Variants in CACHD1 observed in about 807,000 individuals in gnomAD.
CACHD1 encodes cache domain containing 1.
CACHD1 carries 71 observed loss-of-function variants against 138.7 expected under a neutral mutation model. The ratio of observed to expected loss-of-function variants is 0.51; its 90% CI spans 0.42 to 0.62. The LOEUF (loss-of-function observed/expected upper bound fraction) is 0.62. CACHD1 is among the 20% of genes least tolerant of loss of function. The pLI is 0.00. For synonymous variants in CACHD1, 578 were observed against 591.5 expected (o/e 0.98, Z 0.33); for missense variants, 1,389 against 1,625.3 (o/e 0.85, Z 2.50).
chr1:64,470,843 C>T lies in CACHD1; in HGVS notation c.99C>T (p.Ala33=). 1.3e-6 allele frequency: 2 copies of T among 1,581,510 alleles called. No homozygotes were observed. Among genetic ancestry groups the T allele is most frequent in the Non-Finnish European group, 8.6e-7 (1 of 1,168,204 alleles). ...TGGTCGCGTGCTGGCTCCTGGGCGC[C>T]GGGGCCGAAGCCGACTTCTCCATCC... ...LCLVACWLLG[A]GAEADFSILD... Residue 33 remains alanine, a synonymous_variant, in exon 1 of 27, where the codon GCC becomes GCT. Coordinates refer to ENST00000651257, the MANE Select transcript of CACHD1 (RefSeq NM_020925.4). This position sits in a 1 kb window ranked among gnomAD's most constrained non-coding sequence, Gnocchi z 5.2.
At chr1:64,606,106 A>AACACACACACAC (rs112089755) in intron 4 of CACHD1, among the ~76,000 whole-genome samples, 2,306 of 148,920 alleles carry the variant, frequency 0.015, 50 homozygotes, top group African/African-American at 0.052. Flanking sequence ...AGGAGCTGTA[A>AACACACACACAC]ACACACACAC....
chr1:64,544,224 C>T (rs973821663), intron 1 of CACHD1, among the ~76,000 whole-genome samples: 2 of 152,072 alleles, frequency 1.3e-5, no homozygotes, highest in African/African-American at 2.4e-5. Context: ...AAACTCAGTC[C>T]ACATTTTCTT....
chr1:64,535,326 G>GTT (rs1646623083), intron 1 of CACHD1, among the ~76,000 whole-genome samples: 1 of 133,842 alleles, frequency 7.5e-6, no homozygotes. Context: ...GAATTTGGAG[G>GTT]GTTTTTTTTT....
At chr1:64,675,734 AC>A (rs2100726876) in intron 20 of CACHD1, among the ~76,000 whole-genome samples, 162 bp from the exon 21 acceptor site, 1 of 152,336 alleles carries the variant, frequency 6.6e-6, no homozygotes, top group South Asian at 2.1e-4. Context: ...TGTCCAAAGA[AC>A]AATGGATTAA....
At chr1:64,644,008 T>G (rs1454135052) in intron 8 of CACHD1, among the ~76,000 whole-genome samples, 1 of 152,222 alleles carries the variant, frequency 6.6e-6, no homozygotes, top group Non-Finnish European at 1.5e-5. Flanking sequence ...CCCATTATAC[T>G]ATAGTAAGGT....
intron 26 of CACHD1, among the ~76,000 whole-genome samples, chr1:64,690,624 G>A (rs752554079): frequency 1.3e-5 from 2 of 152,176 alleles, no homozygotes; most frequent in African/African-American, 2.4e-5. Flanking sequence ...GGTATATGTG[G>A]AGTTAGTGTT....
chr1:64,497,564 G>A (rs1646312844), intron 1 of CACHD1, among the ~76,000 whole-genome samples: 2 of 151,808 alleles, frequency 1.3e-5, no homozygotes, highest in African/African-American at 4.8e-5. Flanking sequence ...TATAGTTCAG[G>A]AAAAAAAATA....
intron 1 of CACHD1, among the ~76,000 whole-genome samples, chr1:64,477,605 TATTATTATTATTA>T (rs1646181558): frequency 4.1e-5 from 6 of 145,664 alleles, no homozygotes; most frequent in African/African-American, 1.5e-4. Flanking sequence ...TTATTATTAT[TATTATTATTATTA>T]TTATTATTTT....
At chr1:64,625,040 G>T (rs1648047321) in intron 4 of CACHD1, among the ~76,000 whole-genome samples, 1 of 152,168 alleles carries the variant, frequency 6.6e-6, no homozygotes, top group Non-Finnish European at 1.5e-5. Flanking sequence ...TTATGACAAA[G>T]ACCTTATGGT....
At chr1:64,524,607 C>T (rs577556878) in intron 1 of CACHD1, among the ~76,000 whole-genome samples, 3 of 152,192 alleles carry the variant, frequency 2.0e-5, no homozygotes, top group East Asian at 1.9e-4. Flanking sequence ...ACTGAATTTG[C>T]GAGGGTAATG....
At position 64,663,838 on chromosome 1, in the gene CACHD1, G is replaced by C; in HGVS notation, c.2094+1G>C. 6.2e-7 allele frequency: 1 copy of C among 1,614,120 alleles called. No individual in the cohort carries two copies. The highest frequency in any genetic ancestry group is 8.5e-7 in the Non-Finnish European group (1 of 1,180,010). On this transcript the variant is annotated splice_donor_variant, in intron 14 of 26. Coordinates refer to ENST00000651257, the MANE Select transcript of CACHD1 (RefSeq NM_020925.4). LOFTEE classifies it high-confidence loss of function. ...CCTCATTGCTAACCCGGGCCTCAAAGTAAGCATTGGCGCAGAGCTCCATTT... is the reference window on the plus strand; with the variant it reads ...CCTCATTGCTAACCCGGGCCTCAAACTAAGCATTGGCGCAGAGCTCCATTT...
chr1:64,662,241 T>A (rs528865362), intron 13 of CACHD1, among the ~76,000 whole-genome samples: 1 of 152,226 alleles, frequency 6.6e-6, no homozygotes, highest in Non-Finnish European at 1.5e-5. Flanking sequence ...ACTACATCTT[T>A]AGGGGAAGGC....
intron 2 of CACHD1, among the ~76,000 whole-genome samples, chr1:64,564,171 T>G (rs1329145048): frequency 6.6e-6 from 1 of 152,152 alleles, no homozygotes; most frequent in Non-Finnish European, 1.5e-5. Flanking sequence ...AACTCAATTG[T>G]CATGAATCCC....
intron 1 of CACHD1, among the ~76,000 whole-genome samples, chr1:64,546,494 C>T (rs956997304): frequency 3.3e-5 from 5 of 152,044 alleles, no homozygotes; most frequent in South Asian, 4.2e-4. Context: ...CCGTCACACC[C>T]GGCTAATATT....
chr1:64,617,451 A>G (rs1548038), intron 4 of CACHD1, among the ~76,000 whole-genome samples: 39,646 of 151,822 alleles, frequency 0.26, 6,490 homozygotes, highest in African/African-American at 0.46. Context: ...GCTGTCTCAA[A>G]TGAATCAAGG....
intron 2 of CACHD1, among the ~76,000 whole-genome samples, chr1:64,578,978 A>G (rs1443285734): frequency 6.6e-6 from 1 of 152,220 alleles, no homozygotes; most frequent in Admixed American, 6.5e-5. Context: ...GGAAATTTCT[A>G]TAAAACCACT....
rs748864879 is a variant in CACHD1, at chr1:64,494,030, G to A, written c.198+23088G>A. Among the ~76,000 whole-genome samples, 13 of 152,308 alleles carry A rather than the reference G, an allele frequency of 8.5e-5. 1 individual carries two copies. The highest frequency in any genetic ancestry group is 4.1e-4 in the South Asian group (2 of 4,832). On this transcript the variant is annotated intron_variant, in intron 1 of 26. Coordinates refer to ENST00000651257, the MANE Select transcript of CACHD1 (RefSeq NM_020925.4). ...CTGCTCCAGAATAATGGGAGGGAGC[G>A]GTGGGACAAGGGAGGGAGGAGGCGG...
intron 26 of CACHD1, among the ~76,000 whole-genome samples, chr1:64,685,655 T>C (rs1650343791): frequency 6.6e-6 from 1 of 151,902 alleles, no homozygotes; most frequent in African/African-American, 2.4e-5. Context: ...GTCTGGGCAA[T>C]ATGGTGAGAC....
At chr1:64,471,799 A>G (rs1057129875) in intron 1 of CACHD1, among the ~76,000 whole-genome samples, 10 of 152,048 alleles carry the variant, frequency 6.6e-5, no homozygotes, top group Admixed American at 5.2e-4. Context: ...GAGGGCTGAC[A>G]GAAAAACTGC....
Sources: gnomAD v4.1 joint callset for allele counts (sites outside exome capture counted in the v4.1 genomes callset) on GRCh38, gnomAD v4.1.1 for gene constraint, Gnocchi (gnomAD v3.1) non-coding constraint, MANE v1.5 for transcripts, NCBI Gene and HGNC (gene_info 2026-07-23, HGNC 2026-07-21) for gene names.